The following ARFGEF3 variants were observed in gnomAD, a reference collection of about 807,000 sequenced individuals.
ARFGEF3 encodes the protein ARFGEF family member 3.
Under a neutral mutation model 221.7 loss-of-function variants are expected in ARFGEF3, and 96 were observed. That is an observed-to-expected ratio of 0.43 (90% confidence interval 0.37 to 0.51). ARFGEF3 has a LOEUF of 0.51. ARFGEF3 is among the 20% of genes least tolerant of loss of function. The pLI, the probability that ARFGEF3 is intolerant of heterozygous loss-of-function variation, is 0.00. For missense variants in ARFGEF3, 2,410 were observed against 2,789.9 expected (o/e 0.86, Z 3.07); for synonymous variants, 1,145 against 1,126.8 (o/e 1.02, Z -0.32).
intron 2 of ARFGEF3, among the ~76,000 whole-genome samples, chr6:138,190,074 A>G (rs990025964): frequency 6.6e-6 from 1 of 152,008 alleles, no homozygotes; most frequent in African/African-American, 2.4e-5. Context: ...ACAGGACAAG[A>G]TTCTGTCTCA....
In ARFGEF3 at chr6:138,292,064, C is replaced by G; in HGVS notation, c.3368+11C>G. The G allele has an allele frequency of 7.1e-7, 1 of 1,409,168 alleles. No individual in the cohort carries two copies. Among genetic ancestry groups the G allele is most frequent in the Middle Eastern group, 2.0e-4 (1 of 4,950 alleles). 87.3% of individuals were successfully genotyped at this position (1,409,168 alleles called of 1,614,324 possible). A position where few individuals can be genotyped will look rare whatever the true frequency, so the allele number is the denominator to read the frequency against. ...CACGCAAGCCGACAGGTGCGCGGCG[C>G]CGGCCTCCCACGCCCCGGGAGCCTG... On this transcript the variant is annotated intron_variant, in intron 19 of 33. Coordinates refer to ENST00000251691, the MANE Select transcript of ARFGEF3 (RefSeq NM_020340.5).
At chr6:138,213,650 AGAGT>A (rs200361974) in intron 4 of ARFGEF3, among the ~76,000 whole-genome samples, 2,435 of 152,118 alleles carry the variant, frequency 0.016, 29 homozygotes, top group Middle Eastern at 0.027. Context: ...ACGGAAGTAG[AGAGT>A]AAGATAATGA....
At chr6:138,324,848 C>A (rs1780100969) in intron 31 of ARFGEF3, among the ~76,000 whole-genome samples, 1 of 152,192 alleles carries the variant, frequency 6.6e-6, no homozygotes, top group Non-Finnish European at 1.5e-5. Context: ...TACAGATATA[C>A]CCTAAGCTCT....
chr6:138,238,763 A>G (rs1778340937), intron 6 of ARFGEF3, 132 bp downstream of exon 6: 1 of 793,150 alleles, frequency 1.3e-6, no homozygotes, highest in Non-Finnish European at 2.0e-6. Context: ...TTAACAGAAC[A>G]TTTATTTGTA....
At chr6:138,294,586 C>T (rs1187719680) in intron 20 of ARFGEF3, among the ~76,000 whole-genome samples, 1 of 152,224 alleles carries the variant, frequency 6.6e-6, no homozygotes, top group Non-Finnish European at 1.5e-5. Flanking sequence ...ACCACTCTTG[C>T]AAAACTGATC....
rs573610595 is a variant in ARFGEF3 at position 138,176,838 on chromosome 6, G to T, written c.137+6125G>T. Among the ~76,000 whole-genome samples, 32 of 152,082 alleles carry T rather than the reference G, an allele frequency of 2.1e-4. No individual in the cohort carries two copies. The East Asian group carries it at 5.0e-3, about 24-fold the overall frequency. On this transcript the variant is annotated intron_variant, in intron 2 of 33. Transcript: ENST00000251691. Reference sequence around the variant, plus strand: ...TCTTAGCATTTGCTTGTCTGGGAAAGAATTTATTTCTCCTTCATTTATGAA... The same window carrying T: ...TCTTAGCATTTGCTTGTCTGGGAAATAATTTATTTCTCCTTCATTTATGAA...
chr6:138,291,868 G>C lies in ARFGEF3; in HGVS notation c.3183G>C (p.Ser1061=). The part of the protein sequence containing the change: ...GLLGDPECEG[S]PPEHSPEQGR... ...TTGGGGACCCCGAGTGTGAGGGCTC[G>C]CCCCCCGAGCACAGCCCGGAGCAGG... is the stretch of plus-strand genomic sequence containing the variant. Residue 1061 remains serine, a synonymous_variant, in exon 19 of 34, where the codon TCG becomes TCC. Transcript: ENST00000251691. This position sits in a 1 kb window ranked among gnomAD's most constrained non-coding sequence, Gnocchi z 4.5. The C allele has an allele frequency of 1.3e-6, 2 of 1,494,330 alleles. No homozygotes were observed. Among genetic ancestry groups the C allele is most frequent in the Non-Finnish European group, 1.8e-6 (2 of 1,117,280 alleles). 92.6% of individuals were successfully genotyped at this position (1,494,330 alleles called of 1,614,324 possible). A position where few individuals can be genotyped will look rare whatever the true frequency, so the allele number is the denominator to read the frequency against.
intron 2 of ARFGEF3, among the ~76,000 whole-genome samples, chr6:138,176,689 C>T (rs1460849108): frequency 5.9e-5 from 9 of 151,738 alleles, no homozygotes; most frequent in Non-Finnish European, 1.2e-4. Context: ...TCTCTTAATC[C>T]TTTGATTGCT....
At chr6:138,292,616 C>G (rs1562382011) in intron 19 of ARFGEF3, among the ~76,000 whole-genome samples, 1 of 152,202 alleles carries the variant, frequency 6.6e-6, no homozygotes, top group Non-Finnish European at 1.5e-5. Flanking sequence ...CACAGTTCCA[C>G]CTCACTTACC....
intron 2 of ARFGEF3, among the ~76,000 whole-genome samples, chr6:138,203,203 C>T (rs1777567947): frequency 6.6e-6 from 1 of 152,034 alleles, no homozygotes; most frequent in Admixed American, 6.6e-5. Flanking sequence ...GGTTAAGAAG[C>T]ACATCTATTC....
chr6:138,180,828 G>A (rs925034078), intron 2 of ARFGEF3, among the ~76,000 whole-genome samples: 2 of 152,214 alleles, frequency 1.3e-5, no homozygotes, highest in African/African-American at 4.8e-5. Flanking sequence ...CAGGTGACCA[G>A]AAAAATCTGT....
At chr6:138,216,462 C>T (rs1400798746) in intron 4 of ARFGEF3, 1 of 152,022 alleles carries the variant, frequency 6.6e-6, no homozygotes, top group African/African-American at 2.4e-5. Context: ...TCGTCAGTGC[C>T]TTGGTCTGGG....
Position 138,336,382 on chromosome 6 carries a change from C to T in ARFGEF3, c.6430C>T (p.Pro2144Ser). 6.2e-7 allele frequency: 1 copy of T among 1,613,378 alleles called. No homozygotes were observed. The highest frequency in any genetic ancestry group is 8.5e-7 in the Non-Finnish European group (1 of 1,179,684). Residue 2144 changes from proline to serine, a missense_variant, in exon 34 of 34, where the codon CCG (proline) becomes TCG (serine). Physicochemically the swap from Pro to Ser is moderately conservative, Grantham distance 74. Transcript: ENST00000251691. ...CACGGCCCTCCAGCCCGCAGTGTTC[C>T]CGTGCATCAGTCAGCTGACCTGTCA... Reference protein sequence around the residue: ...TFTALQPAVFPCISQLTCHVT... With the variant: ...TFTALQPAVFSCISQLTCHVT...
At chr6:138,190,248 T>G (rs1271290933) in intron 2 of ARFGEF3, among the ~76,000 whole-genome samples, 1 of 152,026 alleles carries the variant, frequency 6.6e-6, no homozygotes, top group African/African-American at 2.4e-5. Context: ...ATGCTATTAC[T>G]AAAACCACCC....
chr6:138,324,446 T>C (rs1047361336), intron 31 of ARFGEF3, among the ~76,000 whole-genome samples: 7 of 152,238 alleles, frequency 4.6e-5, no homozygotes, highest in African/African-American at 1.7e-4. Flanking sequence ...TTGAGCTACC[T>C]GTAAGTATTT....
intron 22 of ARFGEF3, among the ~76,000 whole-genome samples, chr6:138,306,283 G>A (rs1287940132): frequency 6.6e-6 from 1 of 152,034 alleles, no homozygotes; most frequent in Non-Finnish European, 1.5e-5. Context: ...GTACACAAAA[G>A]CTACAAAACA....
chr6:138,259,470 T>C (rs1272121379), intron 10 of ARFGEF3, among the ~76,000 whole-genome samples: 1 of 152,178 alleles, frequency 6.6e-6, no homozygotes, highest in African/African-American at 2.4e-5. Flanking sequence ...CCCCCTAGTC[T>C]TTATCAGACC....
At chr6:138,325,781 G>C (rs1234357066) in intron 31 of ARFGEF3, among the ~76,000 whole-genome samples, 1 of 152,216 alleles carries the variant, frequency 6.6e-6, no homozygotes, top group Admixed American at 6.5e-5. Context: ...ATCATCAATG[G>C]AGAAGAACAG....
In ARFGEF3 at chr6:138,192,492, A is replaced by G. The variant is rs890539659; in HGVS notation, c.138-14550A>G. Reference sequence around the variant, plus strand: ...ACAGAGCAAAAACTCTGTCTCAAAAAAAAACTAACCAAACAAACTCAGCTA... The same window carrying G: ...ACAGAGCAAAAACTCTGTCTCAAAAGAAAACTAACCAAACAAACTCAGCTA... On this transcript the variant is annotated intron_variant, in intron 2 of 33. Coordinates refer to ENST00000251691, the MANE Select transcript of ARFGEF3 (RefSeq NM_020340.5). Among the ~76,000 whole-genome samples, 15 of 138,870 alleles carry G rather than the reference A, an allele frequency of 1.1e-4. 1 individual carries two copies. The highest frequency in any genetic ancestry group is 2.8e-4 in the Admixed American group (4 of 14,346). The allele number at this position is 138,870 out of a possible 152,430, so 91.1% of individuals were successfully genotyped here.
Sources: allele counts gnomAD v4.1 joint callset (sites outside exome capture counted in the v4.1 genomes callset), GRCh38; gene constraint gnomAD v4.1.1; non-coding constraint Gnocchi (gnomAD v3.1); transcripts MANE v1.5; gene names NCBI Gene and HGNC (gene_info 2026-07-23, HGNC 2026-07-21).